Variants in MIB1 observed in about 807,000 individuals in gnomAD.
MIB1 encodes E3 ubiquitin-protein ligase MIB1.
MIB1 carries 278 observed loss-of-function variants against 124.5 expected under a neutral mutation model. The observed-to-expected ratio is 2.23, with a 90% CI of 2.02 to 2.47. The LOEUF is 2.47. Among genes scored for constraint, MIB1 ranks in the 30% most tolerant of loss-of-function variants. The probability of loss-of-function intolerance (pLI) is 0.00; values close to 1 mark genes in which losing one functional copy is unlikely to be tolerated. For synonymous variants in MIB1, 446 were observed against 429.4 expected (o/e 1.04, Z -0.48); for missense variants, 957 against 1,254.4 (o/e 0.76, Z 3.58).
Position 21,840,649 on chromosome 18 carries a change from ATATATATATATATATAT to A in MIB1, c.1962+2154_1962+2170del, listed in dbSNP as rs1334211002. ...ACTGTATATATATATATATATATATATATATATATATATATATTTTTTTTTTTTTTTAATTAGCTGGG... is the reference window on the plus strand; with the variant it reads ...ACTGTATATATATATATATATATATATTTTTTTTTTTTTTAATTAGCTGGG... On this transcript the variant is annotated intron_variant, in intron 13 of 20. Transcript: ENST00000261537. Among the ~76,000 whole-genome samples, 179 of 71,314 alleles carry A rather than the reference ATATATATATATATATAT, an allele frequency of 2.5e-3. 1 individual carries two copies. Among genetic ancestry groups the A allele is most frequent in the African/African-American group, 8.7e-3 (171 of 19,596 alleles). 46.8% of individuals were successfully genotyped at this position (71,314 alleles called of 152,430 possible). A position where few individuals can be genotyped will look rare whatever the true frequency, so the allele number is the denominator to read the frequency against.
intron 6 of MIB1, among the ~76,000 whole-genome samples, chr18:21,787,555 A>G (rs1160592952): frequency 3.9e-5 from 6 of 151,990 alleles, no homozygotes; most frequent in Admixed American, 3.9e-4. Flanking sequence ...CCTTGATCTC[A>G]CTTTTTCCAG....
intron 1 of MIB1, among the ~76,000 whole-genome samples, chr18:21,756,538 C>T (rs572321284): frequency 3.6e-4 from 54 of 152,090 alleles, no homozygotes; most frequent in African/African-American, 1.2e-3. Flanking sequence ...AATCCTGGCT[C>T]GCTGCAACCT....
At chr18:21,746,721 G>T (rs965715466) in intron 1 of MIB1, among the ~76,000 whole-genome samples, 15 of 152,100 alleles carry the variant, frequency 9.9e-5, no homozygotes, top group African/African-American at 3.6e-4. Context: ...GTCATTCTTC[G>T]TGTCGATAAT....
intron 1 of MIB1, among the ~76,000 whole-genome samples, chr18:21,724,726 AAATAT>A (rs1264451512): frequency 3.8e-5 from 2 of 52,826 alleles, no homozygotes; most frequent in African/African-American, 7.6e-5. Context: ...AAAAAAAAAA[AAATAT>A]ATATATATAT....
chr18:21,775,554 T>G (rs2041275428), intron 4 of MIB1, among the ~76,000 whole-genome samples: 1 of 152,264 alleles, frequency 6.6e-6, no homozygotes, highest in South Asian at 2.1e-4. Flanking sequence ...TTCATGCCAC[T>G]TATATATTAA....
rs150933106 is a variant in MIB1 at position 21,867,541 on chromosome 18, T to G, written c.*2875T>G. 2.5e-3 allele frequency: 389 copies of G among 152,720 alleles called. 2 individuals carry two copies. The highest frequency in any genetic ancestry group is 8.9e-3 in the African/African-American group (369 of 41,582). The allele number at this position is 152,720 out of a possible 1,614,324, so 9.5% of individuals were successfully genotyped here. ...AATTTTGTATTAGTGTAGGAATATA[T>G]TAGACAAATGTTTAGTTGGTCAAAT... On this transcript the variant is annotated 3_prime_UTR_variant, in exon 21 of 21. Transcript: ENST00000261537.
At chr18:21,764,342 C>A (rs2041132077) in intron 1 of MIB1, among the ~76,000 whole-genome samples, 1 of 152,016 alleles carries the variant, frequency 6.6e-6, no homozygotes, top group African/African-American at 2.4e-5. Context: ...CAGGTTTGGC[C>A]CTTTGTTTAG....
chr18:21,798,575 C>T (rs2041613242), intron 8 of MIB1, among the ~76,000 whole-genome samples: 1 of 152,146 alleles, frequency 6.6e-6, no homozygotes, highest in Non-Finnish European at 1.5e-5. Context: ...AAAGAACCAT[C>T]ACTTTCTTAG....
chr18:21,780,269 G>A (rs551351511), intron 6 of MIB1, among the ~76,000 whole-genome samples: 15 of 152,256 alleles, frequency 9.9e-5, no homozygotes, highest in African/African-American at 3.6e-4. Context: ...CTCCCCAGCT[G>A]TTCTGAACTA....
intron 9 of MIB1, among the ~76,000 whole-genome samples, chr18:21,803,399 A>G (rs1483557079): frequency 2.0e-5 from 3 of 152,242 alleles, no homozygotes; most frequent in Non-Finnish European, 4.4e-5. Context: ...TTACTGCTTT[A>G]TAATAGTTGT....
chr18:21,788,310 A>AT (rs1437928785), intron 6 of MIB1, among the ~76,000 whole-genome samples: 5 of 152,236 alleles, frequency 3.3e-5, no homozygotes, highest in Admixed American at 2.6e-4. Context: ...AAAAGTTAAC[A>AT]TTAAGTTGCT....
intron 13 of MIB1, among the ~76,000 whole-genome samples, chr18:21,842,839 G>A (rs1783535837): frequency 6.6e-6 from 1 of 152,164 alleles, no homozygotes; most frequent in Admixed American, 6.5e-5. Context: ...GATTGAAAGA[G>A]ATCTGTCTTT....
intron 1 of MIB1, among the ~76,000 whole-genome samples, chr18:21,735,535 C>T (rs1250879696): frequency 1.3e-5 from 2 of 151,888 alleles, no homozygotes; most frequent in South Asian, 2.1e-4. Flanking sequence ...ACCGTTCACT[C>T]GCCTGGAAAG....
chr18:21,827,701 C>T (rs1173831132), intron 12 of MIB1: 4 of 151,894 alleles, frequency 2.6e-5, no homozygotes, highest in Non-Finnish European at 5.9e-5. Flanking sequence ...AATTATGTGC[C>T]TTTTATAATT....
chr18:21,795,000 GTA>G (rs2041556804), intron 7 of MIB1, among the ~76,000 whole-genome samples: 1 of 151,784 alleles, frequency 6.6e-6, no homozygotes, highest in Admixed American at 6.6e-5. Flanking sequence ...CATGGAATAT[GTA>G]TTGATTTGTT....
In MIB1 at chr18:21,768,766, C is replaced by T; in HGVS notation, c.531+14C>T. ...CGTAGGGGAAAGGTACAGTGTTTCT[C>T]TGAATTCATTATGTATTCTAGAGTA... On this transcript the variant is annotated intron_variant, in intron 3 of 20. Transcript: ENST00000261537. 1.9e-6 allele frequency: 3 copies of T among 1,602,202 alleles called. No homozygotes were observed. The highest frequency in any genetic ancestry group is 2.6e-6 in the Non-Finnish European group (3 of 1,173,974).
Position 21,868,809 on chromosome 18 carries a change from G to C in MIB1, c.*4143G>C, listed in dbSNP as rs1020025860. ...TACTTCTTTAAAACATTAAATTTGA[G>C]GAAACTTTAATGCTGTCTCGTGTAC... On this transcript the variant is annotated 3_prime_UTR_variant, in exon 21 of 21. Transcript: ENST00000261537. The C allele has an allele frequency of 2.0e-5, 3 of 152,350 alleles. No individual in the cohort carries two copies. The highest frequency in any genetic ancestry group is 4.4e-5 in the Non-Finnish European group (3 of 67,876). The allele number at this position is 152,350 out of a possible 1,614,324, so 9.4% of individuals were successfully genotyped here. A position where few individuals can be genotyped will look rare whatever the true frequency, so the allele number is the denominator to read the frequency against.
At chr18:21,781,367 A>ATATATATGTGTATG in intron 6 of MIB1, among the ~76,000 whole-genome samples, 1 of 2,618 alleles carries the variant, frequency 3.8e-4, no homozygotes, top group East Asian at 7.8e-3. Context: ...TGTTCAAGTT[A>ATATATATGTGTATG]TATATATATA....
chr18:21,770,630 G>A (rs184821487), intron 3 of MIB1, among the ~76,000 whole-genome samples: 3 of 152,096 alleles, frequency 2.0e-5, no homozygotes, highest in Non-Finnish European at 2.9e-5. Context: ...TATTCTTAAA[G>A]GGCTTTTTAA....
Sources: gnomAD v4.1 joint callset for allele counts (sites outside exome capture counted in the v4.1 genomes callset) on GRCh38, gnomAD v4.1.1 for gene constraint, MANE v1.5 for transcripts, NCBI Gene and HGNC (gene_info 2026-07-23, HGNC 2026-07-21) for gene names.